Variants in PTPRF observed in about 807,000 individuals in gnomAD.
PTPRF encodes the protein receptor-type tyrosine-protein phosphatase F.
A neutral mutation model predicts 201.8 loss-of-function variants in PTPRF; 59 were observed. The observed-to-expected ratio is 0.29, with a 90% CI of 0.24 to 0.36. The LOEUF is 0.36. Among genes scored for constraint, PTPRF ranks in the 10% least tolerant of loss-of-function variants. PTPRF has a pLI of 1.00. For missense variants in PTPRF, 2,132 were observed against 2,690.5 expected (o/e 0.79, Z 4.59); for synonymous variants, 1,088 against 1,089.7 (o/e 1.00, Z 0.03).
chr1:43,608,529 T>C (rs1214651140), intron 21 of PTPRF, among the ~76,000 whole-genome samples: 1 of 152,160 alleles, frequency 6.6e-6, no homozygotes, highest in Non-Finnish European at 1.5e-5. Context: ...TCTGTCTCAC[T>C]CTTGCCAGTT....
rs376375127 is a variant in PTPRF, at chr1:43,592,523, C to T, written c.1735C>T (p.Arg579Cys). 120 of 1,612,744 alleles carry T rather than the reference C, an allele frequency of 7.4e-5. 1 individual carries two copies. Among genetic ancestry groups the T allele is most frequent in the Non-Finnish European group, 9.0e-5 (106 of 1,179,662 alleles). ...LEDLKPDTLY[R>C]FQLAARSDMG... Reference sequence around the variant, plus strand: ...GGACCTGAAGCCTGACACACTCTACCGCTTCCAGCTGGCTGCACGCTCGGA... The same window carrying T: ...GGACCTGAAGCCTGACACACTCTACTGCTTCCAGCTGGCTGCACGCTCGGA... Residue 579 changes from arginine to cysteine, a missense_variant, in exon 11 of 34, where the codon CGC becomes TGC. This residue lies in a region of PTPRF where 351 missense variants were observed against 401.7 expected (regional missense o/e 0.87). Transcript: ENST00000359947.
intron 7 of PTPRF, among the ~76,000 whole-genome samples, chr1:43,583,468 G>T (rs542069025): frequency 1.3e-5 from 2 of 152,280 alleles, no homozygotes; most frequent in South Asian, 4.2e-4. Context: ...GTCAGAGAGA[G>T]GTGTAAGACC....
At chr1:43,562,534 T>G (rs1300143903) in intron 5 of PTPRF, among the ~76,000 whole-genome samples, 3 of 151,772 alleles carry the variant, frequency 2.0e-5, no homozygotes, top group Non-Finnish European at 4.4e-5. Flanking sequence ...GCCTCCCGAA[T>G]AGCTTGGGAT....
At chr1:43,561,619 A>G (rs185189064) in intron 5 of PTPRF, among the ~76,000 whole-genome samples, 80 of 152,186 alleles carry the variant, frequency 5.3e-4, no homozygotes, top group African/African-American at 1.8e-3. Flanking sequence ...CATGACCTGT[A>G]TACCCCTGGT....
In PTPRF at chr1:43,552,771, G is replaced by A. The variant is rs553335824; in HGVS notation, c.92-721G>A. On this transcript the variant is annotated intron_variant, in intron 3 of 33. Transcript: ENST00000359947. ...ATGTGTACTGAGGTGATGAGGGTGTGGCAGTGCCATGTCTGAGCCCCTACC... is the reference window on the plus strand; with the variant it reads ...ATGTGTACTGAGGTGATGAGGGTGTAGCAGTGCCATGTCTGAGCCCCTACC... 5.9e-5 allele frequency among the ~76,000 whole-genome samples: 9 copies of A among 152,280 alleles called. No homozygotes were observed. The South Asian group carries it at 1.9e-3, about 32-fold the overall frequency.
At chr1:43,564,005 G>A (rs771928272) in intron 5 of PTPRF, among the ~76,000 whole-genome samples, 13 of 152,174 alleles carry the variant, frequency 8.5e-5, no homozygotes, top group South Asian at 2.1e-4. Flanking sequence ...GGAGGGGGAC[G>A]CCGTGCCTGC....
chr1:43,610,659 C>A (rs1368584817), intron 22 of PTPRF, among the ~76,000 whole-genome samples: 2 of 152,224 alleles, frequency 1.3e-5, no homozygotes, highest in African/African-American at 4.8e-5. Context: ...CCGGGTGGAT[C>A]ACCTGAGGTC....
At chr1:43,566,783 C>T (rs1473666007) in intron 5 of PTPRF, among the ~76,000 whole-genome samples, 1 of 152,156 alleles carries the variant, frequency 6.6e-6, no homozygotes, top group Admixed American at 6.5e-5. Context: ...CCGAGTGCTG[C>T]CTAGAAGCCT....
upstream of PTPRF, among the ~76,000 whole-genome samples, chr1:43,526,345 A>G (rs2153942712): frequency 6.6e-6 from 1 of 152,282 alleles, no homozygotes; most frequent in African/African-American, 2.4e-5. Context: ...CTGTAATCCC[A>G]GCGCTTTGGG....
intron 3 of PTPRF, among the ~76,000 whole-genome samples, chr1:43,545,977 T>A (rs560159320): frequency 6.6e-6 from 1 of 152,256 alleles, no homozygotes; most frequent in South Asian, 2.1e-4. Context: ...CAGGGCAGAT[T>A]TAGCCAATCT....
intron 11 of PTPRF, among the ~76,000 whole-genome samples, chr1:43,595,744 C>T (rs147951184): frequency 1.1e-3 from 163 of 152,064 alleles, no homozygotes; most frequent in African/African-American, 3.8e-3. Flanking sequence ...GATGCAAGTA[C>T]GGTGGGGGGG....
intron 6 of PTPRF, among the ~76,000 whole-genome samples, chr1:43,575,719 C>T (rs914922196): frequency 1.3e-5 from 2 of 152,096 alleles, no homozygotes; most frequent in African/African-American, 2.4e-5. Context: ...CACAGCTTCA[C>T]TGACACTCAG....
intron 7 of PTPRF, among the ~76,000 whole-genome samples, chr1:43,581,681 G>T (rs1372348142): frequency 6.6e-6 from 1 of 152,242 alleles, no homozygotes; most frequent in East Asian, 1.9e-4. Flanking sequence ...CACCAGCTCT[G>T]CATCCTGAGC....
In PTPRF at chr1:43,588,635, C is replaced by T; in HGVS notation, c.680-96C>T. ...CCTGTCTCTGAGCATGGGTTTGGCT[C>T]TGACCAGAGGGGCTTCCTGAATGAG... is the stretch of plus-strand genomic sequence containing the variant. On this transcript the variant is annotated intron_variant, in intron 7 of 33. Transcript: ENST00000359947. The surrounding 1 kb of genome is among the most constrained non-coding windows in gnomAD (Gnocchi z 5.3). 1 of 1,503,342 alleles carries T rather than the reference C, an allele frequency of 6.7e-7. No homozygotes were observed. The highest frequency in any genetic ancestry group is 2.4e-4 in the Middle Eastern group (1 of 4,104). 93.1% of individuals were successfully genotyped at this position (1,503,342 alleles called of 1,614,324 possible). A position where few individuals can be genotyped will look rare whatever the true frequency, so the allele number is the denominator to read the frequency against.
intron 7 of PTPRF, chr1:43,583,061 A>T: frequency 1.0e-6 from 1 of 985,224 alleles, no homozygotes; most frequent in Non-Finnish European, 1.2e-6. Context: ...TCTGCCATCA[A>T]CCCAAACTCT....
intron 33 of PTPRF, among the ~76,000 whole-genome samples, chr1:43,621,581 G>C (rs1055742393): frequency 2.6e-5 from 4 of 152,238 alleles, no homozygotes; most frequent in Non-Finnish European, 5.9e-5. Context: ...GGATTGATGA[G>C]TAAGATGTGT....
At position 43,617,605 on chromosome 1, in the gene PTPRF, T is replaced by TC. The variant is rs538885620; in HGVS notation, c.4195+42dup. ...GGGTGCCCCTCCCATCCCCTTGCTCTCCCCCTTGCTAGCTAGGGCAACATG... is the reference window on the plus strand; with the variant it reads ...GGGTGCCCCTCCCATCCCCTTGCTCTCCCCCCTTGCTAGCTAGGGCAACATG... On this transcript the variant is annotated intron_variant, in intron 24 of 33. Transcript: ENST00000359947. The TC allele has an allele frequency of 1.7e-4, 274 of 1,612,184 alleles. 1 individual carries two copies. In the East Asian group the frequency reaches 5.9e-3, roughly 35 times the overall value.
In PTPRF at chr1:43,537,266, G is replaced by A. The variant is rs1644080539; in HGVS notation, c.-125-932G>A. Among the ~76,000 whole-genome samples, 1 of 152,248 alleles carries A rather than the reference G, an allele frequency of 6.6e-6. No homozygotes were observed. The highest frequency in any genetic ancestry group is 2.1e-4 in the South Asian group (1 of 4,834). ...CTCTAGAAGGAAGGGGCTGGGCTCTGTCGCTGCATGTGTGCCAGCGGAGGA... is the reference window on the plus strand; with the variant it reads ...CTCTAGAAGGAAGGGGCTGGGCTCTATCGCTGCATGTGTGCCAGCGGAGGA... On this transcript the variant is annotated intron_variant, in intron 1 of 33. Coordinates refer to ENST00000359947, the MANE Select transcript of PTPRF (RefSeq NM_002840.5). The surrounding 1 kb of genome is among the most constrained non-coding windows in gnomAD (Gnocchi z 4.8).
intron 6 of PTPRF, among the ~76,000 whole-genome samples, chr1:43,578,174 G>A (rs1159652109): frequency 6.6e-6 from 1 of 152,248 alleles, no homozygotes; most frequent in East Asian, 1.9e-4. Context: ...GAATTATGCA[G>A]GAGCCGTGGT....
Sources: gnomAD v4.1 joint callset for allele counts (sites outside exome capture counted in the v4.1 genomes callset) on GRCh38, gnomAD v4.1.1 for gene constraint, gnomAD v4.1.1 regional missense constraint, Gnocchi (gnomAD v3.1) non-coding constraint, MANE v1.5 for transcripts, NCBI Gene and HGNC (gene_info 2026-07-23, HGNC 2026-07-21) for gene names.